Variants in CD36 observed in about 807,000 individuals in gnomAD.
CD36 encodes platelet glycoprotein 4.
Under a neutral mutation model 55.2 loss-of-function variants are expected in CD36, and 119 were observed. The observed-to-expected ratio is 2.15, with a 90% confidence interval of 1.86 to 2.51. CD36 has a LOEUF of 2.51. Ranked by LOEUF, CD36 falls within the 30% of genes most tolerant of loss-of-function variation. The pLI is 0.00. For missense variants in CD36, 819 were observed against 555.5 expected, an observed-to-expected ratio of 1.47 and a Z score of -4.77; for synonymous variants, 186 against 193.6, an observed-to-expected ratio of 0.96 and a Z score of 0.33.
chr7:80,673,815 C>T (rs1797971907), intron 13 of CD36, 168 bp from the exon 14 acceptor site: 1 of 656,478 alleles, frequency 1.5e-6, no homozygotes, highest in Non-Finnish European at 2.7e-6. Flanking sequence ...CTCTATCTGG[C>T]ACTTAATTGC....
In CD36 at chr7:80,673,090, C is replaced by CAATAATTAATTTTTGG. The variant is rs1316303180; in HGVS notation, c.1199+251_1200-246dup. On this transcript the variant is annotated intron_variant, in intron 12 of 14. Coordinates refer to ENST00000447544, the MANE Select transcript of CD36 (RefSeq NM_001001548.3). Reference sequence around the variant, plus strand: ...GTTAGCTGCCCAAATATTTCTATGACAATAATTAATTTTTGGAATTCATAT... The same window carrying CAATAATTAATTTTTGG: ...GTTAGCTGCCCAAATATTTCTATGACAATAATTAATTTTTGGAATAATTAATTTTTGGAATTCATAT... The CAATAATTAATTTTTGG allele has an allele frequency of 1.2e-5, 6 of 517,966 alleles. No homozygotes were observed. The East Asian group carries it at 1.9e-4, about 16-fold the overall frequency. The allele number at this position is 517,966 out of a possible 1,614,324, so 32.1% of individuals were successfully genotyped here.
At chr7:80,637,377 C>G (rs899087216), upstream of CD36, among the ~76,000 whole-genome samples, 2 of 151,752 alleles carry the variant, frequency 1.3e-5, no homozygotes, top group Non-Finnish European at 2.9e-5. Context: ...GTGAGTTATT[C>G]TTTTCTAACT....
intron 5 of CD36, chr7:80,662,537 C>A: frequency 3.4e-6 from 1 of 290,170 alleles, no homozygotes. Flanking sequence ...ATTGTCTGCG[C>A]CATTTCTGTC....
At chr7:80,661,254 G>A in intron 5 of CD36, 44 bp downstream of exon 5, 1 of 1,546,524 alleles carries the variant, frequency 6.5e-7, no homozygotes, top group Non-Finnish European at 8.9e-7. Context: ...AAATACTCTA[G>A]AACTCATGTA....
intron 1 of CD36, among the ~76,000 whole-genome samples, chr7:80,640,606 A>G (rs539820950): frequency 3.6e-4 from 54 of 152,104 alleles, no homozygotes; most frequent in African/African-American, 1.2e-3. Flanking sequence ...GTCTGTTTAT[A>G]GTAGAATTTG....
rs1421394401 is a variant in CD36 at position 80,673,797 on chromosome 7, G to A, written c.1255-186G>A. 5 of 633,828 alleles carry A rather than the reference G, an allele frequency of 7.9e-6. No homozygotes were observed. The Admixed American group carries it at 9.5e-5, about 12-fold the overall frequency. The allele number at this position is 633,828 out of a possible 1,614,324, so 39.3% of individuals were successfully genotyped here. A position where few individuals can be genotyped will look rare whatever the true frequency, so the allele number is the denominator to read the frequency against. ...CAAATGAATCCTAGTACATTGAAGA[G>A]TACCGTACTCTATCTGGCACTTAAT... On this transcript the variant is annotated intron_variant, in intron 13 of 14. Transcript: ENST00000447544.
At chr7:80,666,587 G>GTTTACTTGCC in intron 8 of CD36, 98 bp downstream of exon 8, 1 of 915,238 alleles carries the variant, frequency 1.1e-6, no homozygotes, top group Non-Finnish European at 1.8e-6. Flanking sequence ...GAGGGTGTGT[G>GTTTACTTGCC]TTTACTTGCC....
At position 80,619,723 on chromosome 7, in the gene CD36, T is replaced by C. The variant is rs187357775; in HGVS notation, c.-184+17344T>C. 3.6e-3 allele frequency among the ~76,000 whole-genome samples: 545 copies of C among 150,102 alleles called. 3 individuals are homozygous for C. Among genetic ancestry groups the C allele is most frequent in the African/African-American group, 0.013 (520 of 40,812 alleles). ...ATGTGATGGATCTGGACAAAGTAAA[T>C]TGAAAACCAACTGAAAGTAATTCAC... On this transcript the variant is annotated intron_variant, in intron 1 of 13. Coordinates refer to the CD36 transcript ENST00000309881.
intron 3 of CD36, among the ~76,000 whole-genome samples, chr7:80,649,809 G>A (rs969712550): frequency 1.3e-5 from 2 of 151,982 alleles, no homozygotes; most frequent in African/African-American, 4.8e-5. Context: ...TAATAATTCA[G>A]AGGCAGGAAG....
At chr7:80,652,261 A>G (rs1233936969) in intron 3 of CD36, among the ~76,000 whole-genome samples, 1 of 152,214 alleles carries the variant, frequency 6.6e-6, no homozygotes, top group African/African-American at 2.4e-5. Flanking sequence ...CCAATTTAAT[A>G]TCAACATAGT....
At chr7:80,647,643 G>A (rs985584033) in intron 3 of CD36, among the ~76,000 whole-genome samples, 1 of 152,140 alleles carries the variant, frequency 6.6e-6, no homozygotes, top group African/African-American at 2.4e-5. Flanking sequence ...CAGTTCTGCT[G>A]AAGTTCTAAA....
chr7:80,676,756 A>G lies in CD36; in HGVS notation c.*373A>G, dbSNP rs1798178396. 1 of 151,742 alleles carries G rather than the reference A, an allele frequency of 6.6e-6. No individual in the cohort carries two copies. Among genetic ancestry groups the G allele is most frequent in the African/African-American group, 2.4e-5 (1 of 41,314 alleles). 9.4% of individuals were successfully genotyped at this position (151,742 alleles called of 1,614,324 possible). A position where few individuals can be genotyped will look rare whatever the true frequency, so the allele number is the denominator to read the frequency against. ...TAGCACACTAGCGGTTTATATTTTA[A>G]GGACCTTCATTCTCTGTTCTGCACC... is the stretch of plus-strand genomic sequence containing the variant. On this transcript the variant is annotated 3_prime_UTR_variant, in exon 15 of 15. Transcript: ENST00000447544.
chr7:80,654,150 G>A (rs1795834015), intron 3 of CD36, among the ~76,000 whole-genome samples: 1 of 152,052 alleles, frequency 6.6e-6, no homozygotes, highest in South Asian at 2.1e-4. Flanking sequence ...TAGAAAAAAA[G>A]GTCTCATACA....
chr7:80,663,330 G>T (rs535219485), intron 6 of CD36, among the ~76,000 whole-genome samples, 161 bp downstream of exon 6: 1 of 152,072 alleles, frequency 6.6e-6, no homozygotes, highest in African/African-American at 2.4e-5. Context: ...TATAGCTTCA[G>T]CTTTCCTAGT....
intron 1 of CD36, among the ~76,000 whole-genome samples, chr7:80,626,538 AT>A (rs1233833088): frequency 6.6e-6 from 1 of 152,078 alleles, no homozygotes; most frequent in East Asian, 1.9e-4. Context: ...TGGTCTGCAA[AT>A]TTAGCTTTAA....
Position 80,676,697 on chromosome 7 carries a change from AT to A in CD36, c.*318del, listed in dbSNP as rs1254531215. On this transcript the variant is annotated 3_prime_UTR_variant, in exon 15 of 15. Transcript: ENST00000447544. ...AACTCTTTTCTTTATGGGCTTAAAT[AT>A]TTTGTCACTGATCCTGCAAATGGAC... is the stretch of plus-strand genomic sequence containing the variant. 1 of 151,968 alleles carries A rather than the reference AT, an allele frequency of 6.6e-6. No individual in the cohort carries two copies. Among genetic ancestry groups the A allele is most frequent in the Non-Finnish European group, 1.5e-5 (1 of 67,994 alleles). 9.4% of individuals were successfully genotyped at this position (151,968 alleles called of 1,614,324 possible).
At chr7:80,604,847 A>G in intron 1 of CD36, among the ~76,000 whole-genome samples, 1 of 152,262 alleles carries the variant, frequency 6.6e-6, no homozygotes, top group East Asian at 1.9e-4. Context: ...AGAAAATTAA[A>G]AAAATATATA....
rs1183495862 is a variant in CD36 at position 80,616,222 on chromosome 7, AT to A, written c.-184+13844del. 7.9e-5 allele frequency among the ~76,000 whole-genome samples: 12 copies of A among 152,300 alleles called. No individual in the cohort carries two copies. The East Asian group carries it at 2.3e-3, about 29-fold the overall frequency. ...CATAGCTCAGCCTAGCTTATCTTAT[AT>A]GTGCTCAGAACACTTACATTAGCCC... On this transcript the variant is annotated intron_variant, in intron 1 of 13. Transcript: ENST00000309881.
chr7:80,673,867 A>G, intron 13 of CD36, 116 bp from the exon 14 acceptor site: 1 of 777,488 alleles, frequency 1.3e-6, no homozygotes, highest in Non-Finnish European at 2.2e-6. Context: ...CTTGCCTTAT[A>G]GATACTGATG....
Sources: gnomAD v4.1 joint callset for allele counts (sites outside exome capture counted in the v4.1 genomes callset) on GRCh38, gnomAD v4.1.1 for gene constraint, MANE v1.5 for transcripts, NCBI Gene and HGNC (gene_info 2026-07-23, HGNC 2026-07-21) for gene names.